Variants in FAAH observed in about 807,000 individuals in gnomAD.
FAAH encodes the protein fatty acid amide hydrolase.
FAAH carries 63 observed loss-of-function variants against 69.7 expected under a neutral mutation model. The ratio of observed to expected loss-of-function variants is 0.90; its 90% CI spans 0.74 to 1.12. The LOEUF (loss-of-function observed/expected upper bound fraction) is 1.12, where lower values mean the gene tolerates loss of function less well. Among genes scored for constraint, FAAH ranks in the 50% most tolerant of loss-of-function variants. The pLI is 0.00. For missense variants in FAAH, 680 were observed against 755.0 expected, an observed-to-expected ratio of 0.90 and a Z score of 1.16; for synonymous variants, 305 against 324.2, an observed-to-expected ratio of 0.94 and a Z score of 0.64.
chr1:46,412,312 C>A (rs1439264757), intron 13 of FAAH, 61 bp downstream of exon 13: 1 of 1,393,458 alleles, frequency 7.2e-7, no homozygotes, highest in Admixed American at 2.0e-5. Context: ...TGCAGGGCTG[C>A]GAGGAAATGG....
rs80086752 is a variant in FAAH, at chr1:46,411,916, G to T, written c.1357-227G>T. ...TCTGGAGCTGCCTTTGTGTGGCTCC[G>T]CCTCAGCGGGAAGAGGTGTATCCAC... is the stretch of plus-strand genomic sequence containing the variant. On this transcript the variant is annotated intron_variant, in intron 12 of 14. Transcript: ENST00000243167. This position sits in a 1 kb window ranked among gnomAD's most constrained non-coding sequence, Gnocchi z 4.8. Among the ~76,000 whole-genome samples the T allele has an allele frequency of 6.6e-6, 1 of 152,232 alleles. No homozygotes were observed. Among genetic ancestry groups the T allele is most frequent in the Non-Finnish European group, 1.5e-5 (1 of 68,046 alleles).
At chr1:46,401,983 G>A in intron 1 of FAAH, 108 bp from the exon 2 acceptor site, 1 of 929,978 alleles carries the variant, frequency 1.1e-6, no homozygotes, top group South Asian at 1.4e-5. Context: ...GCAAGGGCCT[G>A]CCCAGGCTGG....
chr1:46,394,963 G>A (rs1359530716), intron 1 of FAAH, among the ~76,000 whole-genome samples: 1 of 152,082 alleles, frequency 6.6e-6, no homozygotes, highest in Non-Finnish European at 1.5e-5. Context: ...GTTTTGAGAC[G>A]GAGTCTCGCT....
intron 7 of FAAH, 45 bp downstream of exon 7, chr1:46,406,413 A>G (rs1664796249): frequency 6.2e-7 from 1 of 1,612,802 alleles, no homozygotes; most frequent in African/African-American, 1.3e-5. Context: ...CTGAACCCAG[A>G]CAGCCACCCC....
intron 9 of FAAH, 133 bp downstream of exon 9, chr1:46,409,331 C>G: frequency 1.4e-6 from 1 of 729,092 alleles, no homozygotes; most frequent in Non-Finnish European, 2.5e-6. Flanking sequence ...TGGGCAGGGA[C>G]CTCGCTGTCC....
chr1:46,405,531 G>A lies in FAAH; in HGVS notation c.578+26G>A, dbSNP rs201006275. On this transcript the variant is annotated intron_variant, in intron 4 of 14. Coordinates refer to ENST00000243167, the MANE Select transcript of FAAH (RefSeq NM_001441.3). The surrounding 1 kb of genome is among the most constrained non-coding windows in gnomAD (Gnocchi z 4.1). ...GTTGGGTCTTGGGGTGGGGCGGGGC[G>A]GGGCAGGGGCACCGGTCCCAGCATG... The A allele has an allele frequency of 5.0e-6, 8 of 1,612,282 alleles. No homozygotes were observed. Among genetic ancestry groups the A allele is most frequent in the Non-Finnish European group, 5.9e-6 (7 of 1,179,704 alleles).
At chr1:46,407,757 C>T (rs1664826941) in intron 7 of FAAH, among the ~76,000 whole-genome samples, 1 of 152,174 alleles carries the variant, frequency 6.6e-6, no homozygotes, top group African/African-American at 2.4e-5. Context: ...TTGGTGCAGA[C>T]AGAGGAAGAG....
chr1:46,397,096 T>G (rs1451744640), intron 1 of FAAH, among the ~76,000 whole-genome samples: 1 of 152,216 alleles, frequency 6.6e-6, no homozygotes, highest in Non-Finnish European at 1.5e-5. Flanking sequence ...CTAGTTGCCC[T>G]CTCTGGCTGG....
intron 7 of FAAH, among the ~76,000 whole-genome samples, chr1:46,407,132 T>A (rs1664814829): frequency 6.6e-6 from 1 of 151,906 alleles, no homozygotes; most frequent in African/African-American, 2.4e-5. Context: ...CGTGGTGTGC[T>A]GCTCCCCAAA....
Position 46,408,600 on chromosome 1 carries a change from C to A in FAAH, c.1077+16C>A. On this transcript the variant is annotated intron_variant, in intron 8 of 14. Transcript: ENST00000243167. Reference sequence around the variant, plus strand: ...GGGGCACACGGTATGACTGCAGGGTCCTGGAAGTACTGGCATCTCCTCCCC... The same window carrying A: ...GGGGCACACGGTATGACTGCAGGGTACTGGAAGTACTGGCATCTCCTCCCC... The A allele has an allele frequency of 6.2e-7, 1 of 1,614,116 alleles. No individual in the cohort carries two copies. Among genetic ancestry groups the A allele is most frequent in the Non-Finnish European group, 8.5e-7 (1 of 1,180,038 alleles).
chr1:46,407,322 T>C (rs1010854445), intron 7 of FAAH, among the ~76,000 whole-genome samples: 1 of 152,012 alleles, frequency 6.6e-6, no homozygotes, highest in African/African-American at 2.4e-5. Context: ...TTAAGATTGG[T>C]TTAAGTTGGT....
chr1:46,410,638 C>T lies in FAAH; in HGVS notation c.1275+141C>T. On this transcript the variant is annotated intron_variant, in intron 10 of 14. Transcript: ENST00000243167. This position sits in a 1 kb window ranked among gnomAD's most constrained non-coding sequence, Gnocchi z 4.9. ...CTCTTCTCTCCAGTCCCCACCCAGA[C>T]TGCTCTCCTCCTCTGTCCCCTGCGA... 3.7e-6 allele frequency: 4 copies of T among 1,073,636 alleles called. No homozygotes were observed. The highest frequency in any genetic ancestry group is 4.3e-6 in the Non-Finnish European group (3 of 697,038). The allele number at this position is 1,073,636 out of a possible 1,614,324, so 66.5% of individuals were successfully genotyped here.
Position 46,408,573 on chromosome 1 carries a change from G to A in FAAH, c.1066G>A (p.Ala356Thr), listed in dbSNP as rs758495141. ...GGAGACCAAACAGAGCCTTGAGGCT[G>A]CGGGGCACACGGTATGACTGCAGGG... ...VLETKQSLEA[A>T]GHTLVPFLPS... Residue 356 changes from alanine (A) to threonine (T), a missense_variant, in exon 8 of 15, where the codon GCG (alanine) becomes ACG (threonine). Transcript: ENST00000243167. The A allele has an allele frequency of 6.2e-7, 1 of 1,614,208 alleles. No homozygotes were observed. The highest frequency in any genetic ancestry group is 8.5e-7 in the Non-Finnish European group (1 of 1,180,036).
In FAAH at chr1:46,413,805, G is replaced by A. The variant is rs1292062117; in HGVS notation, c.*230G>A. On this transcript the variant is annotated 3_prime_UTR_variant, in exon 15 of 15. Coordinates refer to ENST00000243167, the MANE Select transcript of FAAH (RefSeq NM_001441.3). ...CTCCACCCCCATGTGGCAGCCCATG[G>A]GTATGACATAGGCCAAGGCCCAACT... 1.0e-5 allele frequency: 6 copies of A among 587,174 alleles called. No individual in the cohort carries two copies. Among genetic ancestry groups the A allele is most frequent in the African/African-American group, 5.6e-5 (3 of 53,712 alleles). 36.4% of individuals were successfully genotyped at this position (587,174 alleles called of 1,614,324 possible).
chr1:46,413,329 C>T, intron 14 of FAAH, 109 bp downstream of exon 14: 2 of 1,609,230 alleles, frequency 1.2e-6, no homozygotes, highest in Non-Finnish European at 1.7e-6. Context: ...TTAAGCAAGA[C>T]CTGAAGGACT....
chr1:46,406,478 C>T, intron 7 of FAAH, 110 bp downstream of exon 7: 1 of 1,509,138 alleles, frequency 6.6e-7, no homozygotes, highest in Non-Finnish European at 9.1e-7. Context: ...TCCCCCAGGC[C>T]TCTGAGGCCA....
At position 46,394,329 on chromosome 1, in the gene FAAH, A is replaced by T; in HGVS notation, c.-20A>T. On this transcript the variant is annotated 5_prime_UTR_variant, in exon 1 of 15. Transcript: ENST00000243167. ...GGCGGCTTCAACTGTCGCGGTAGGC[A>T]GCAGCAGGCTGAAGGGATCATGGTG... 1 of 1,550,158 alleles carries T rather than the reference A, an allele frequency of 6.5e-7. No homozygotes were observed. The highest frequency in any genetic ancestry group is 8.7e-7 in the Non-Finnish European group (1 of 1,152,360).
chr1:46,394,334 C>T lies in FAAH; in HGVS notation c.-15C>T, dbSNP rs1203376663. 3 of 1,554,480 alleles carry T rather than the reference C, an allele frequency of 1.9e-6. No homozygotes were observed. Among genetic ancestry groups the T allele is most frequent in the African/African-American group, 1.4e-5 (1 of 70,890 alleles). On this transcript the variant is annotated 5_prime_UTR_variant, in exon 1 of 15. Coordinates refer to ENST00000243167, the MANE Select transcript of FAAH (RefSeq NM_001441.3). ...CTTCAACTGTCGCGGTAGGCAGCAG[C>T]AGGCTGAAGGGATCATGGTGCAGTA... is the stretch of plus-strand genomic sequence containing the variant.
chr1:46,402,694 ATT>A (rs778164719), intron 2 of FAAH, among the ~76,000 whole-genome samples: 6 of 134,134 alleles, frequency 4.5e-5, no homozygotes, highest in Admixed American at 7.6e-5. Context: ...AAGAAAAAAA[ATT>A]TTTTTTTTTT....
Sources: allele counts gnomAD v4.1 joint callset (sites outside exome capture counted in the v4.1 genomes callset), GRCh38; gene constraint gnomAD v4.1.1; non-coding constraint Gnocchi (gnomAD v3.1); transcripts MANE v1.5; gene names NCBI Gene and HGNC (gene_info 2026-07-23, HGNC 2026-07-21).